The following ATF6 variants were observed in gnomAD, a reference collection of about 807,000 sequenced individuals.
ATF6 encodes activating transcription factor 6, also known as cyclic AMP-dependent transcription factor ATF-6 alpha.
Under a neutral mutation model 83.6 loss-of-function variants are expected in ATF6, and 53 were observed. The ratio of observed to expected loss-of-function variants is 0.63; its 90% CI spans 0.51 to 0.80. The LOEUF (loss-of-function observed/expected upper bound fraction) is 0.80. ATF6 is among the 30% of genes least tolerant of loss of function. The pLI is 0.00. For synonymous variants in ATF6, 288 were observed against 285.8 expected, an observed-to-expected ratio of 1.01 and a Z score of -0.08; for missense variants, 744 against 797.9, an observed-to-expected ratio of 0.93 and a Z score of 0.81.
At chr1:161,951,286 C>A (rs563943809) in intron 15 of ATF6, among the ~76,000 whole-genome samples, 1 of 152,178 alleles carries the variant, frequency 6.6e-6, no homozygotes, top group African/African-American at 2.4e-5. Context: ...AAGGTCTTAA[C>A]AAAGTATTGT....
At chr1:161,867,082 C>G (rs969833754) in intron 14 of ATF6, among the ~76,000 whole-genome samples, 5 of 152,244 alleles carry the variant, frequency 3.3e-5, no homozygotes, top group African/African-American at 1.2e-4. Flanking sequence ...ATCACGAGGT[C>G]AGGAGATTGA....
At chr1:161,784,568 T>A (rs1480749610) in intron 4 of ATF6, among the ~76,000 whole-genome samples, 1 of 152,132 alleles carries the variant, frequency 6.6e-6, no homozygotes, top group Non-Finnish European at 1.5e-5. Context: ...GGTAGCTCTT[T>A]TAAGAACACT....
intron 13 of ATF6, 147 bp downstream of exon 13, chr1:161,860,424 G>A (rs201903971): frequency 6.2e-5 from 14 of 227,392 alleles, no homozygotes; most frequent in Admixed American, 2.3e-4. Flanking sequence ...ATATATATAT[G>A]TATATATATA....
At chr1:161,949,014 A>C (rs943828004) in intron 15 of ATF6, among the ~76,000 whole-genome samples, 14 of 152,230 alleles carry the variant, frequency 9.2e-5, no homozygotes, top group African/African-American at 3.1e-4. Flanking sequence ...TCCACCCTGT[A>C]CTTAACCCCA....
At chr1:161,833,467 A>T (rs1686126331) in intron 9 of ATF6, among the ~76,000 whole-genome samples, 2 of 152,202 alleles carry the variant, frequency 1.3e-5, no homozygotes, top group Non-Finnish European at 2.9e-5. Context: ...GAGCTAAAGG[A>T]GGAAGTTCGA....
intron 15 of ATF6, among the ~76,000 whole-genome samples, chr1:161,931,722 G>C (rs1688438014): frequency 1.3e-5 from 2 of 151,910 alleles, no homozygotes; most frequent in South Asian, 4.1e-4. Flanking sequence ...TTTTTTATTG[G>C]ATAATTTATC....
At chr1:161,846,078 C>A (rs1686480159) in intron 9 of ATF6, among the ~76,000 whole-genome samples, 1 of 152,066 alleles carries the variant, frequency 6.6e-6, no homozygotes, top group African/African-American at 2.4e-5. Context: ...CAGTTTGCAC[C>A]ATCCAGGAGG....
At chr1:161,945,304 C>T (rs565871456) in intron 15 of ATF6, among the ~76,000 whole-genome samples, 1 of 152,324 alleles carries the variant, frequency 6.6e-6, no homozygotes, top group East Asian at 1.9e-4. Context: ...ACACCAATGC[C>T]CTCAGTCACC....
chr1:161,829,947 T>C (rs1287816798), intron 9 of ATF6, among the ~76,000 whole-genome samples: 1 of 152,156 alleles, frequency 6.6e-6, no homozygotes, highest in Non-Finnish European at 1.5e-5. Context: ...TTGGAAGTTC[T>C]GGCCAGGGCA....
At chr1:161,834,920 C>T (rs1473790313) in intron 9 of ATF6, among the ~76,000 whole-genome samples, 1 of 152,032 alleles carries the variant, frequency 6.6e-6, no homozygotes, top group Non-Finnish European at 1.5e-5. Flanking sequence ...GAGGTTATGC[C>T]ACCATAACTA....
At chr1:161,805,510 G>C (rs1193519029) in intron 7 of ATF6, among the ~76,000 whole-genome samples, 1 of 152,072 alleles carries the variant, frequency 6.6e-6, no homozygotes, top group Non-Finnish European at 1.5e-5. Flanking sequence ...AATTTTGACT[G>C]AATGTTTATT....
intron 9 of ATF6, among the ~76,000 whole-genome samples, chr1:161,828,794 G>T (rs1685969478): frequency 6.6e-6 from 1 of 152,172 alleles, no homozygotes; most frequent in Admixed American, 6.5e-5. Flanking sequence ...GCTTATGTTG[G>T]TGGTGCCTGT....
chr1:161,818,212 A>G lies in ATF6; in HGVS notation c.910-1421A>G, dbSNP rs189242425. Reference sequence around the variant, plus strand: ...TACTTTTTAAAGTCCATTGCAAAATATATAGAAATTAGTAATTCAACCATC... The same window carrying G: ...TACTTTTTAAAGTCCATTGCAAAATGTATAGAAATTAGTAATTCAACCATC... On this transcript the variant is annotated intron_variant, in intron 7 of 15. Coordinates refer to ENST00000367942, the MANE Select transcript of ATF6 (RefSeq NM_007348.4). Among the ~76,000 whole-genome samples, 33 of 152,294 alleles carry G rather than the reference A, an allele frequency of 2.2e-4. 1 individual carries two copies. The highest frequency in any genetic ancestry group is 3.4e-4 in the Non-Finnish European group (23 of 68,022).
chr1:161,786,727 C>A (rs1684756514), intron 4 of ATF6, among the ~76,000 whole-genome samples: 1 of 152,180 alleles, frequency 6.6e-6, no homozygotes, highest in Non-Finnish European at 1.5e-5. Flanking sequence ...CTACTTCCTA[C>A]AAGCACAGAT....
At chr1:161,802,389 A>G in intron 7 of ATF6, 117 bp downstream of exon 7, 2 of 864,060 alleles carry the variant, frequency 2.3e-6, no homozygotes, top group African/African-American at 3.4e-5. Context: ...ATTGCATCAA[A>G]TAAAAGAGTG....
intron 14 of ATF6, among the ~76,000 whole-genome samples, chr1:161,903,223 A>G (rs954067388): frequency 1.3e-5 from 2 of 152,188 alleles, no homozygotes; most frequent in Non-Finnish European, 2.9e-5. Flanking sequence ...TTGTGCTTCA[A>G]TTATTTTTCT....
intron 15 of ATF6, among the ~76,000 whole-genome samples, chr1:161,944,618 T>A (rs1057217039): frequency 6.6e-5 from 10 of 152,220 alleles, no homozygotes; most frequent in African/African-American, 2.4e-4. Flanking sequence ...GTCATCTCAC[T>A]GTGTTGTATT....
chr1:161,863,703 G>A (rs1686932938), intron 14 of ATF6, among the ~76,000 whole-genome samples: 1 of 152,232 alleles, frequency 6.6e-6, no homozygotes, highest in African/African-American at 2.4e-5. Context: ...CTTCTGAAAT[G>A]TAGGTTTGAG....
intron 15 of ATF6, among the ~76,000 whole-genome samples, chr1:161,952,775 T>A (rs1688891265): frequency 6.6e-6 from 1 of 152,206 alleles, no homozygotes; most frequent in Non-Finnish European, 1.5e-5. Context: ...AAATACAGAC[T>A]GATCCAAGTG....
Sources: gnomAD v4.1 joint callset for allele counts (sites outside exome capture counted in the v4.1 genomes callset) on GRCh38, gnomAD v4.1.1 for gene constraint, MANE v1.5 for transcripts, NCBI Gene and HGNC (gene_info 2026-07-23, HGNC 2026-07-21) for gene names.